KPNA7: variants seen among roughly 807,000 people sequenced by gnomAD.
KPNA7 encodes the protein karyopherin subunit alpha 7.
In KPNA7, 54 loss-of-function variants were observed where a neutral mutation model predicts 53.7. That is an observed-to-expected ratio of 1.01 (90% CI 0.81 to 1.26). KPNA7 has a LOEUF of 1.26. KPNA7 is among the 50% of genes most tolerant of loss of function. The pLI, the probability that KPNA7 is intolerant of heterozygous loss-of-function variation, is 0.00. For synonymous variants in KPNA7, 276 were observed against 259.3 expected, an observed-to-expected ratio of 1.06 and a Z score of -0.62; for missense variants, 640 against 644.5, an observed-to-expected ratio of 0.99 and a Z score of 0.07.
chr7:99,172,130 C>T (rs1798781076), downstream of KPNA7, among the ~76,000 whole-genome samples: 1 of 152,064 alleles, frequency 6.6e-6, no homozygotes, highest in South Asian at 2.1e-4. Flanking sequence ...ATCAAGCTAA[C>T]AAAAATTAGA....
At chr7:99,200,543 G>A (rs540256009) in intron 3 of KPNA7, among the ~76,000 whole-genome samples, 3 of 152,292 alleles carry the variant, frequency 2.0e-5, no homozygotes, top group Admixed American at 1.3e-4. Flanking sequence ...CACAAAGAGT[G>A]AAACAGGCTT....
At chr7:99,186,701 T>A (rs1440815417) in intron 7 of KPNA7, among the ~76,000 whole-genome samples, 1 of 151,524 alleles carries the variant, frequency 6.6e-6, no homozygotes, top group Non-Finnish European at 1.5e-5. Flanking sequence ...CAAGATTGTA[T>A]CACCACACTC....
intron 9 of KPNA7, 37 bp downstream of exon 9, chr7:99,181,846 C>G: frequency 6.9e-7 from 1 of 1,455,920 alleles, no homozygotes; most frequent in Non-Finnish European, 9.2e-7. Flanking sequence ...CAGTTGGAGA[C>G]AGCTATTTAC....
At chr7:99,189,567 C>G (rs1186089909) in intron 6 of KPNA7, among the ~76,000 whole-genome samples, 1 of 152,152 alleles carries the variant, frequency 6.6e-6, no homozygotes, top group African/African-American at 2.4e-5. Flanking sequence ...TCAGAGTCTA[C>G]CCTCAGAGAG....
the KPNA7 span, among the ~76,000 whole-genome samples, chr7:99,153,075 G>A: frequency 6.6e-6 from 1 of 152,106 alleles, no homozygotes; most frequent in Admixed American, 6.5e-5. Context: ...TCGCAAACGG[G>A]GTGAGGATTG....
chr7:99,205,956 C>A (rs527741697), intron 2 of KPNA7, among the ~76,000 whole-genome samples: 3 of 152,170 alleles, frequency 2.0e-5, no homozygotes, highest in Non-Finnish European at 2.9e-5. Context: ...ACACACCCCC[C>A]GTCCCCAGCC....
intron 9 of KPNA7, among the ~76,000 whole-genome samples, chr7:99,181,471 G>A (rs142031970): frequency 9.7e-4 from 147 of 152,276 alleles, no homozygotes; most frequent in African/African-American, 3.5e-3. Flanking sequence ...ATGGTCCTTC[G>A]AGATGGCTCT....
At chr7:99,217,215 C>G (rs1428853507) in intron 1 of KPNA7, among the ~76,000 whole-genome samples, 3 of 152,210 alleles carry the variant, frequency 2.0e-5, no homozygotes, top group Non-Finnish European at 2.9e-5. Context: ...TCACCACCCT[C>G]TGTGTGCCCA....
intron 3 of KPNA7, among the ~76,000 whole-genome samples, chr7:99,201,360 T>A (rs1351211177): frequency 2.6e-5 from 4 of 151,948 alleles, no homozygotes; most frequent in Non-Finnish European, 5.9e-5. Flanking sequence ...ATACCTTCAT[T>A]TCTTTAAAAA....
chr7:99,165,007 G>A, the KPNA7 span, among the ~76,000 whole-genome samples: 1 of 152,172 alleles, frequency 6.6e-6, no homozygotes, highest in East Asian at 1.9e-4. Flanking sequence ...CGAGCATGGT[G>A]GCATGTGCCT....
At chr7:99,195,479 G>C in intron 4 of KPNA7, 141 bp from the exon 5 acceptor site, 4 of 719,084 alleles carry the variant, frequency 5.6e-6, no homozygotes, top group Non-Finnish European at 9.1e-6. Context: ...ACTTGAGGTC[G>C]CAAGGTCAGG....
intron 3 of KPNA7, 31 bp downstream of exon 3, chr7:99,203,075 C>A: frequency 1.3e-6 from 2 of 1,543,722 alleles, no homozygotes; most frequent in Non-Finnish European, 1.8e-6. Context: ...ACATATTTTG[C>A]CCAAGACTAC....
rs1381432299 is a variant in KPNA7, at chr7:99,213,455, AAAGAG to A, written c.-23-5971_-23-5967del. Among the ~76,000 whole-genome samples the A allele has an allele frequency of 4.2e-3, 579 of 138,044 alleles. 5 individuals carry two copies. Among genetic ancestry groups the A allele is most frequent in the African/African-American group, 0.017 (546 of 31,572 alleles). The allele number at this position is 138,044 out of a possible 152,430, so 90.6% of individuals were successfully genotyped here. A position where few individuals can be genotyped will look rare whatever the true frequency, so the allele number is the denominator to read the frequency against. ...TAAAAAAAAAAAAAAAAAAAAAAAA[AAAGAG>A]AGAGAGACAGAGTCTCATTGTTGCC... On this transcript the variant is annotated intron_variant, in intron 1 of 10. Transcript: ENST00000681060.
At chr7:99,151,218 T>C in the KPNA7 span, among the ~76,000 whole-genome samples, 12 of 152,182 alleles carry the variant, frequency 7.9e-5, no homozygotes, top group Non-Finnish European at 1.6e-4. Flanking sequence ...CAACACCGTC[T>C]GTGTGTCTGT....
rs754881370 is a variant in KPNA7 at position 99,207,613 on chromosome 7, C to CTTTTTT, written c.-23-130_-23-125dup. On this transcript the variant is annotated intron_variant, in intron 1 of 10. Transcript: ENST00000327442. ...GCAAAGGGCAGACCCAGGAAGCTAGCTTTTTTTTTTTTTTTTTTTTTTTTT... is the reference window on the plus strand; with the variant it reads ...GCAAAGGGCAGACCCAGGAAGCTAGCTTTTTTTTTTTTTTTTTTTTTTTTTTTTTTT... 8.1e-5 allele frequency: 10 copies of CTTTTTT among 123,052 alleles called. 2 individuals carry two copies. The highest frequency in any genetic ancestry group is 5.4e-4 in the East Asian group (2 of 3,698). 7.6% of individuals were successfully genotyped at this position (123,052 alleles called of 1,614,324 possible).
rs13235702 is a variant in KPNA7, at chr7:99,187,703, G to A, written c.900+597C>T. 1.4e-3 allele frequency among the ~76,000 whole-genome samples: 207 copies of A among 148,660 alleles called. 2 individuals carry two copies. Among genetic ancestry groups the A allele is most frequent in the South Asian group, 0.012 (57 of 4,692 alleles). On this transcript the variant is annotated intron_variant, in intron 7 of 10. Coordinates refer to ENST00000327442, the MANE Select transcript of KPNA7 (RefSeq NM_001145715.3). ...CGAGTAGCTGGAATTACAGCTGTGCGCCATCACACTCAGTTAATTCTTTGG... is the reference window on the plus strand; with the variant it reads ...CGAGTAGCTGGAATTACAGCTGTGCACCATCACACTCAGTTAATTCTTTGG...
At position 99,186,607 on chromosome 7, in the gene KPNA7, G is replaced by A. The variant is rs190367645; in HGVS notation, c.901-1445C>T. 9.2e-5 allele frequency among the ~76,000 whole-genome samples: 14 copies of A among 152,074 alleles called. No individual in the cohort carries two copies. The East Asian group carries it at 2.5e-3, about 27-fold the overall frequency. On this transcript the variant is annotated intron_variant, in intron 7 of 10. Coordinates refer to ENST00000327442, the MANE Select transcript of KPNA7 (RefSeq NM_001145715.3). ...AAAATACAAAAATTAGCTGGGTGTG[G>A]TGGTGCACACCTGTAGTCCCAGCTA... is the stretch of plus-strand genomic sequence containing the variant.
chr7:99,193,676 T>A (rs534253678), intron 5 of KPNA7, among the ~76,000 whole-genome samples: 6 of 152,144 alleles, frequency 3.9e-5, no homozygotes, highest in South Asian at 4.1e-4. Context: ...TTTTATTTTT[T>A]TTTTTTGGCG....
At chr7:99,178,925 G>C (rs983364519) in intron 9 of KPNA7, among the ~76,000 whole-genome samples, 2 of 151,958 alleles carry the variant, frequency 1.3e-5, no homozygotes, top group African/African-American at 4.8e-5. Flanking sequence ...TGAAACTACA[G>C]GTACATGCCA....
Sources: allele counts gnomAD v4.1 joint callset (sites outside exome capture counted in the v4.1 genomes callset), GRCh38; gene constraint gnomAD v4.1.1; transcripts MANE v1.5; gene names NCBI Gene and HGNC (gene_info 2026-07-23, HGNC 2026-07-21).